Variants in GPM6A observed in about 807,000 individuals in gnomAD.
GPM6A encodes glycoprotein M6A.
A neutral mutation model predicts 32.1 loss-of-function variants in GPM6A; 7 were observed. The observed-to-expected ratio is 0.22, with a 90% CI of 0.12 to 0.41. GPM6A has a LOEUF of 0.41. GPM6A is among the 10% of genes least tolerant of loss of function. The pLI, the probability that GPM6A is intolerant of heterozygous loss-of-function variation, is 1.00. For synonymous variants in GPM6A, 130 were observed against 123.4 expected (o/e 1.05, Z -0.35); for missense variants, 235 against 347.2 (o/e 0.68, Z 2.57).
intron 1 of GPM6A, among the ~76,000 whole-genome samples, chr4:175,779,432 T>C (rs76924520): frequency 0.02 from 3,077 of 152,298 alleles, 57 homozygotes; most frequent in Non-Finnish European, 0.031. Flanking sequence ...TTAGGCTATA[T>C]TGTCAATATT....
At chr4:175,659,379 G>A (rs1222734750) in intron 3 of GPM6A, among the ~76,000 whole-genome samples, 4 of 152,116 alleles carry the variant, frequency 2.6e-5, no homozygotes, top group Non-Finnish European at 4.4e-5. Flanking sequence ...TGCACTTGGC[G>A]GAGATACCTT....
At chr4:175,687,168 T>C (rs1193838145) in intron 2 of GPM6A, among the ~76,000 whole-genome samples, 2 of 152,218 alleles carry the variant, frequency 1.3e-5, no homozygotes, top group Non-Finnish European at 2.9e-5. Context: ...TTATTTTTTA[T>C]TGCAGTAAAT....
At chr4:175,747,051 C>A (rs1201195971) in intron 1 of GPM6A, among the ~76,000 whole-genome samples, 1 of 152,090 alleles carries the variant, frequency 6.6e-6, no homozygotes, top group Non-Finnish European at 1.5e-5. Context: ...GTGGGTGGAT[C>A]ACAAGGTCAG....
chr4:175,979,104 T>C (rs1317995608), intron 1 of GPM6A, among the ~76,000 whole-genome samples: 2 of 152,164 alleles, frequency 1.3e-5, no homozygotes, highest in African/African-American at 2.4e-5. Flanking sequence ...CTGGTCAGAA[T>C]AGAAGCTCGT....
chr4:175,861,291 A>T lies in GPM6A; in HGVS notation c.-22-49042T>A, dbSNP rs1181088546. 2.6e-5 allele frequency among the ~76,000 whole-genome samples: 4 copies of T among 151,758 alleles called. No homozygotes were observed. The South Asian group carries it at 6.2e-4, about 24-fold the overall frequency. ...AGGATAAAAATACAAAAATAAGGAT[A>T]AAAAGGGCAAATAAAGGATAAATAA... On this transcript the variant is annotated intron_variant, in intron 1 of 7. Coordinates refer to the GPM6A transcript ENST00000280187.
intron 1 of GPM6A, among the ~76,000 whole-genome samples, chr4:175,711,866 C>T (rs571010099): frequency 6.6e-6 from 1 of 152,200 alleles, no homozygotes; most frequent in African/African-American, 2.4e-5. Flanking sequence ...CCACTCATCA[C>T]CCTTATATGT....
At chr4:175,942,747 T>C (rs1384655637) in intron 1 of GPM6A, among the ~76,000 whole-genome samples, 1 of 152,218 alleles carries the variant, frequency 6.6e-6, no homozygotes, top group African/African-American at 2.4e-5. Context: ...ATATCTGTTT[T>C]GGTACCAGTA....
Position 175,842,742 on chromosome 4 carries a change from C to A in GPM6A, c.-22-30493G>T, listed in dbSNP as rs575596102. Among the ~76,000 whole-genome samples the A allele has an allele frequency of 1.9e-3, 290 of 152,146 alleles. 1 individual carries two copies. Among genetic ancestry groups the A allele is most frequent in the African/African-American group, 6.7e-3 (280 of 41,524 alleles). On this transcript the variant is annotated intron_variant, in intron 1 of 7. Transcript: ENST00000280187. ...CAGAGAGAATAAACATAGTTCTTTA[C>A]ATTTCCATGGCCATCTTTTTTCTGC...
At chr4:175,858,098 G>T (rs998420766) in intron 1 of GPM6A, among the ~76,000 whole-genome samples, 1 of 152,080 alleles carries the variant, frequency 6.6e-6, no homozygotes, top group Non-Finnish European at 1.5e-5. Flanking sequence ...ATGTAAATAG[G>T]TCGGCCAAAG....
intron 1 of GPM6A, among the ~76,000 whole-genome samples, chr4:175,933,413 C>T (rs149096739): frequency 4.6e-4 from 70 of 152,284 alleles, no homozygotes; most frequent in Admixed American, 2.1e-3. Context: ...TACAATGATA[C>T]AGTTTTGGAA....
chr4:175,819,359 G>T (rs1302405270), intron 1 of GPM6A, among the ~76,000 whole-genome samples: 1 of 152,174 alleles, frequency 6.6e-6, no homozygotes, highest in East Asian at 1.9e-4. Flanking sequence ...GGTATCTGAA[G>T]CTGAGCCAGG....
upstream of GPM6A, among the ~76,000 whole-genome samples, chr4:175,816,985 G>A (rs895144998): frequency 9.2e-5 from 14 of 151,962 alleles, no homozygotes; most frequent in East Asian, 2.5e-3. Flanking sequence ...TCAGCCTCCC[G>A]AGGAGCTGGG....
chr4:175,842,672 C>T (rs539519276), intron 1 of GPM6A, among the ~76,000 whole-genome samples: 4 of 152,092 alleles, frequency 2.6e-5, no homozygotes, highest in East Asian at 1.9e-4. Flanking sequence ...TGTGCTCCAG[C>T]GTGAGTGATT....
At chr4:175,736,708 G>C (rs886745091) in intron 1 of GPM6A, among the ~76,000 whole-genome samples, 1 of 152,132 alleles carries the variant, frequency 6.6e-6, no homozygotes, top group African/African-American at 2.4e-5. Context: ...TTAAAAGATA[G>C]TTATTAATTA....
At chr4:175,699,479 G>C (rs1214546251) in intron 2 of GPM6A, among the ~76,000 whole-genome samples, 1 of 152,052 alleles carries the variant, frequency 6.6e-6, no homozygotes, top group Non-Finnish European at 1.5e-5. Context: ...AATTTACATT[G>C]GGAAATATAA....
At chr4:175,705,223 A>T (rs1258721066) in intron 1 of GPM6A, among the ~76,000 whole-genome samples, 1 of 152,224 alleles carries the variant, frequency 6.6e-6, no homozygotes, top group Non-Finnish European at 1.5e-5. Context: ...GATAACGTGC[A>T]TTTCCAAATG....
chr4:175,701,807 A>T (rs1006477791), intron 1 of GPM6A, 40 bp from the exon 2 acceptor site: 1 of 1,463,098 alleles, frequency 6.8e-7, no homozygotes, highest in Non-Finnish European at 9.4e-7. Context: ...TATTTTTGTT[A>T]ACCTAATTTA....
chr4:175,946,989 C>T (rs897071478), intron 1 of GPM6A, among the ~76,000 whole-genome samples: 5 of 152,086 alleles, frequency 3.3e-5, no homozygotes, highest in Non-Finnish European at 5.9e-5. Flanking sequence ...CATTTAAGAG[C>T]CTGCATTTGA....
At chr4:175,823,195 A>G (rs959686512) in intron 1 of GPM6A, among the ~76,000 whole-genome samples, 1 of 152,224 alleles carries the variant, frequency 6.6e-6, no homozygotes. Context: ...TACTAAACTT[A>G]TATCACTCAA....
Sources: gnomAD v4.1 joint callset for allele counts (sites outside exome capture counted in the v4.1 genomes callset) on GRCh38, gnomAD v4.1.1 for gene constraint, MANE v1.5 for transcripts, NCBI Gene and HGNC (gene_info 2026-07-23, HGNC 2026-07-21) for gene names.